TENM2: variants seen among roughly 807,000 people sequenced by gnomAD.
TENM2 encodes teneurin transmembrane protein 2.
TENM2 carries 52 observed loss-of-function variants against 245.2 expected under a neutral mutation model. The observed-to-expected ratio is 0.21, with a 90% CI of 0.17 to 0.27. The LOEUF is 0.27. Among genes scored for constraint, TENM2 ranks in the 10% least tolerant of loss-of-function variants. The pLI is 1.00. For missense variants in TENM2, 3,046 were observed against 3,666.8 expected (o/e 0.83, Z 4.37); for synonymous variants, 1,363 against 1,438.9 (o/e 0.95, Z 1.19).
chr5:167,189,832 T>C, the TENM2 span, among the ~76,000 whole-genome samples: 1 of 152,106 alleles, frequency 6.6e-6, no homozygotes, highest in Non-Finnish European at 1.5e-5. Flanking sequence ...CTTTTCACTG[T>C]TAAAAATAAT....
intron 5 of TENM2, among the ~76,000 whole-genome samples, chr5:168,026,666 C>A (rs1581097728): frequency 6.6e-6 from 1 of 152,176 alleles, no homozygotes; most frequent in African/African-American, 2.4e-5. Context: ...TGTTACTTAA[C>A]CTCACTGCGA....
At chr5:168,162,863 ATGT>A (rs749896125) in intron 13 of TENM2, 106 bp downstream of exon 15, 2 of 1,335,828 alleles carry the variant, frequency 1.5e-6, no homozygotes, top group Admixed American at 1.9e-5. Context: ...CTATTGTCAA[ATGT>A]TGTTGTAACA....
intron 2 of TENM2, among the ~76,000 whole-genome samples, chr5:167,422,687 A>G (rs1763582621): frequency 1.3e-5 from 2 of 152,188 alleles, no homozygotes; most frequent in African/African-American, 4.8e-5. Context: ...GTCTATTTCC[A>G]AAAGAAAAAT....
intron 5 of TENM2, among the ~76,000 whole-genome samples, chr5:168,003,093 G>A (rs1784530456): frequency 2.6e-5 from 4 of 152,038 alleles, no homozygotes; most frequent in Admixed American, 2.6e-4. Context: ...GACCATCAGG[G>A]GAACAGAAGC....
the TENM2 span, among the ~76,000 whole-genome samples, chr5:167,120,523 A>C: frequency 6.6e-6 from 1 of 152,224 alleles, no homozygotes; most frequent in East Asian, 1.9e-4. Flanking sequence ...GAGGAAAATA[A>C]GTAATTAGTC....
At chr5:168,152,240 C>G (rs1412361812) in intron 12 of TENM2, among the ~76,000 whole-genome samples, 1 of 152,248 alleles carries the variant, frequency 6.6e-6, no homozygotes, top group South Asian at 2.1e-4. Context: ...ATTTTTGTGG[C>G]TATTCTATAA....
intron 25 of TENM2, among the ~76,000 whole-genome samples, chr5:168,237,931 A>G (rs1375292289): frequency 6.6e-6 from 1 of 151,780 alleles, no homozygotes; most frequent in Non-Finnish European, 1.5e-5. Flanking sequence ...TCACAAGGTC[A>G]GGAGATCAAG....
intron 2 of TENM2, among the ~76,000 whole-genome samples, chr5:167,543,160 C>T (rs1340913693): frequency 2.0e-5 from 3 of 152,118 alleles, no homozygotes; most frequent in African/African-American, 2.4e-5. Flanking sequence ...TAAGCACTTC[C>T]GTTTAGAGAG....
chr5:167,289,011 C>T (rs1232602412), intron 1 of TENM2, among the ~76,000 whole-genome samples: 2 of 152,178 alleles, frequency 1.3e-5, no homozygotes, highest in African/African-American at 2.4e-5. Flanking sequence ...ATATAATGTT[C>T]ACCACCAGCT....
rs559769988 is a variant in TENM2, at chr5:167,604,255, G to T, written c.502+228782G>T. ...CAAGAAGGGTAGAAGGTGTAGGTAG[G>T]AAATGAGTCTGTTCTCTGCAATGAA... is the stretch of plus-strand genomic sequence containing the variant. On this transcript the variant is annotated intron_variant, in intron 2 of 28. Transcript: ENST00000518659. Among the ~76,000 whole-genome samples, 4 of 152,284 alleles carry T rather than the reference G, an allele frequency of 2.6e-5. No individual in the cohort carries two copies. The East Asian group carries it at 7.7e-4, about 29-fold the overall frequency.
chr5:168,030,824 G>GT (rs952660982), intron 5 of TENM2, among the ~76,000 whole-genome samples: 1 of 152,144 alleles, frequency 6.6e-6, no homozygotes, highest in Non-Finnish European at 1.5e-5. Flanking sequence ...CATCTAATGT[G>GT]TTTTTTACAC....
the TENM2 span, among the ~76,000 whole-genome samples, chr5:167,100,221 A>C: frequency 1.3e-5 from 2 of 152,186 alleles, no homozygotes; most frequent in Non-Finnish European, 2.9e-5. Context: ...ATACTGGGTG[A>C]ATGATCACAT....
chr5:167,992,395 T>G (rs1227985895), intron 4 of TENM2, among the ~76,000 whole-genome samples: 1 of 152,228 alleles, frequency 6.6e-6, no homozygotes, highest in Non-Finnish European at 1.5e-5. Flanking sequence ...TCAAGTACCT[T>G]TCAATAGTAG....
At chr5:167,040,067 T>G in the TENM2 span, among the ~76,000 whole-genome samples, 1 of 152,160 alleles carries the variant, frequency 6.6e-6, no homozygotes, top group South Asian at 2.1e-4. Context: ...GTTCATTTAC[T>G]CATATAAGTA....
rs577975121 is a variant in TENM2, at chr5:167,363,533, C to T, written c.227-11665C>T. Among the ~76,000 whole-genome samples, 26 of 151,828 alleles carry T rather than the reference C, an allele frequency of 1.7e-4. No homozygotes were observed. The East Asian group carries it at 4.9e-3, about 28-fold the overall frequency. ...GATCACAAGGTCAGGAGGTCAAGACCATCCTGGTTAACACGGTGAAACCCT... is the reference window on the plus strand; with the variant it reads ...GATCACAAGGTCAGGAGGTCAAGACTATCCTGGTTAACACGGTGAAACCCT... On this transcript the variant is annotated intron_variant, in intron 1 of 28. Transcript: ENST00000518659.
At chr5:167,896,255 G>A (rs1339451733) in intron 3 of TENM2, among the ~76,000 whole-genome samples, 2 of 152,216 alleles carry the variant, frequency 1.3e-5, no homozygotes, top group Non-Finnish European at 2.9e-5. Flanking sequence ...AGCAGCAAGT[G>A]CAAAGGCTTG....
the TENM2 span, among the ~76,000 whole-genome samples, chr5:167,147,527 T>G: frequency 1.3e-5 from 2 of 152,272 alleles, no homozygotes; most frequent in East Asian, 3.9e-4. Flanking sequence ...TCTTATTTTT[T>G]AAGATGTATA....
intron 2 of TENM2, among the ~76,000 whole-genome samples, chr5:167,452,964 T>TAA (rs70976429): frequency 2.7e-4 from 29 of 108,212 alleles, no homozygotes; most frequent in East Asian, 8.7e-4. Flanking sequence ...TATATATATT[T>TAA]AAAAAAAAAA....
At chr5:167,796,540 G>T (rs192091003) in intron 2 of TENM2, among the ~76,000 whole-genome samples, 1 of 152,040 alleles carries the variant, frequency 6.6e-6, no homozygotes, top group Non-Finnish European at 1.5e-5. Flanking sequence ...ATATCCTTAA[G>T]TCAATTCTCC....
Sources: allele counts gnomAD v4.1 joint callset (sites outside exome capture counted in the v4.1 genomes callset), GRCh38; gene constraint gnomAD v4.1.1; transcripts MANE v1.5; gene names NCBI Gene and HGNC (gene_info 2026-07-23, HGNC 2026-07-21).